Variants in CACNA2D1 observed in about 807,000 individuals in gnomAD.
CACNA2D1 encodes voltage-dependent calcium channel subunit alpha-2/delta-1.
A neutral mutation model predicts 171.5 loss-of-function variants in CACNA2D1; 53 were observed. That is an observed-to-expected ratio of 0.31 (90% CI 0.25 to 0.39). The LOEUF (loss-of-function observed/expected upper bound fraction) is 0.39, where lower values mean the gene tolerates loss of function less well. CACNA2D1 is among the 10% of genes least tolerant of loss of function. The pLI is 1.00. For synonymous variants in CACNA2D1, 442 were observed against 443.1 expected (o/e 1.00, Z 0.03); for missense variants, 903 against 1,299.8 (o/e 0.69, Z 4.69).
At chr7:82,126,740 A>T (rs1790373093) in intron 5 of CACNA2D1, among the ~76,000 whole-genome samples, 1 of 152,048 alleles carries the variant, frequency 6.6e-6, no homozygotes, top group South Asian at 2.1e-4. Flanking sequence ...GAGACACCAG[A>T]CCCTCTCCTA....
intron 5 of CACNA2D1, among the ~76,000 whole-genome samples, chr7:82,131,663 C>T (rs1394050873): frequency 1.3e-5 from 2 of 151,992 alleles, no homozygotes; most frequent in Non-Finnish European, 1.5e-5. Context: ...TTGATGTAGA[C>T]GTATGAGATT....
At chr7:82,422,738 A>G (rs1009846376) in intron 1 of CACNA2D1, among the ~76,000 whole-genome samples, 1 of 152,162 alleles carries the variant, frequency 6.6e-6, no homozygotes, top group Non-Finnish European at 1.5e-5. Flanking sequence ...GCATTTAAAA[A>G]AATAGATAAC....
intron 3 of CACNA2D1, among the ~76,000 whole-genome samples, chr7:82,301,287 C>T (rs1812967470): frequency 6.6e-6 from 1 of 151,930 alleles, no homozygotes; most frequent in South Asian, 2.1e-4. Flanking sequence ...CCACCACACC[C>T]GGTTAATTTT....
intron 6 of CACNA2D1, among the ~76,000 whole-genome samples, chr7:82,109,671 G>A (rs1031070485): frequency 1.3e-5 from 2 of 152,156 alleles, no homozygotes; most frequent in South Asian, 2.1e-4. Flanking sequence ...TTAGATTGGA[G>A]GAACATGGTA....
intron 3 of CACNA2D1, among the ~76,000 whole-genome samples, chr7:82,264,309 G>A (rs1807521792): frequency 6.6e-6 from 1 of 151,852 alleles, no homozygotes; most frequent in Admixed American, 6.6e-5. Context: ...TGAATTATTG[G>A]CAGAAAGTCA....
intron 3 of CACNA2D1, among the ~76,000 whole-genome samples, chr7:82,281,608 T>C (rs1156940348): frequency 6.6e-6 from 1 of 152,226 alleles, no homozygotes; most frequent in African/African-American, 2.4e-5. Flanking sequence ...AGTTATGCCT[T>C]GCCTTTCATT....
chr7:82,133,948 CT>C (rs1791308080), intron 5 of CACNA2D1, among the ~76,000 whole-genome samples: 1 of 151,988 alleles, frequency 6.6e-6, no homozygotes, highest in Non-Finnish European at 1.5e-5. Context: ...TGGCGGGCGC[CT>C]GTAGTCCCAG....
At chr7:81,956,467 G>A (rs1793364722) in intron 38 of CACNA2D1, among the ~76,000 whole-genome samples, 1 of 151,986 alleles carries the variant, frequency 6.6e-6, no homozygotes, top group South Asian at 2.1e-4. Flanking sequence ...CTTTTCTTGT[G>A]TAATGGTTGA....
At chr7:82,082,944 A>G (rs1809981824) in intron 7 of CACNA2D1, among the ~76,000 whole-genome samples, 1 of 152,050 alleles carries the variant, frequency 6.6e-6, no homozygotes, top group African/African-American at 2.4e-5. Flanking sequence ...TAAAAGAGCC[A>G]TTTTTGAAAA....
At chr7:82,387,688 A>G (rs1824567860) in intron 1 of CACNA2D1, among the ~76,000 whole-genome samples, 1 of 152,210 alleles carries the variant, frequency 6.6e-6, no homozygotes, top group Non-Finnish European at 1.5e-5. Context: ...ATAGTTGCTT[A>G]TTTTCTTAGC....
chr7:82,099,683 T>A (rs1252027853), intron 6 of CACNA2D1, among the ~76,000 whole-genome samples: 1 of 58,468 alleles, frequency 1.7e-5, no homozygotes, highest in African/African-American at 4.9e-5. Flanking sequence ...TCTCCTGACC[T>A]CGTGATCCGC....
intron 6 of CACNA2D1, among the ~76,000 whole-genome samples, chr7:82,086,640 A>T (rs1005246831): frequency 1.3e-5 from 2 of 152,174 alleles, no homozygotes; most frequent in African/African-American, 2.4e-5. Context: ...TTAAACATTT[A>T]TGACTTTTAT....
At chr7:82,099,523 C>T (rs1167133631) in intron 6 of CACNA2D1, among the ~76,000 whole-genome samples, 1 of 53,360 alleles carries the variant, frequency 1.9e-5, no homozygotes, top group Non-Finnish European at 4.3e-5. Context: ...GATCTCGGCT[C>T]ACTGCAAGCT....
intron 6 of CACNA2D1, among the ~76,000 whole-genome samples, chr7:82,115,392 G>T (rs561446068): frequency 6.6e-6 from 1 of 151,872 alleles, no homozygotes; most frequent in Non-Finnish European, 1.5e-5. Context: ...ATAATACAAT[G>T]GTCAAAGAAA....
At chr7:82,401,017 C>T (rs1204637564) in intron 1 of CACNA2D1, among the ~76,000 whole-genome samples, 1 of 152,160 alleles carries the variant, frequency 6.6e-6, no homozygotes, top group Non-Finnish European at 1.5e-5. Context: ...TACCATCTCA[C>T]ACCAGTTAGA....
intron 5 of CACNA2D1, among the ~76,000 whole-genome samples, chr7:82,122,670 A>C (rs897585421): frequency 1.3e-5 from 2 of 152,220 alleles, no homozygotes; most frequent in Non-Finnish European, 2.9e-5. Context: ...TATTTTGGGA[A>C]GAGAGTGATA....
At chr7:82,433,365 C>G (rs1829870321) in intron 1 of CACNA2D1, among the ~76,000 whole-genome samples, 1 of 152,122 alleles carries the variant, frequency 6.6e-6, no homozygotes, top group Non-Finnish European at 1.5e-5. Context: ...AAGAAAAACT[C>G]TAGTCCATTC....
chr7:82,384,477 C>G (rs894846434), intron 1 of CACNA2D1, among the ~76,000 whole-genome samples: 1 of 152,032 alleles, frequency 6.6e-6, no homozygotes, highest in Non-Finnish European at 1.5e-5. Context: ...CTTCCAGCCT[C>G]CAGAACTGTG....
chr7:82,314,903 A>G (rs889559355), intron 3 of CACNA2D1, among the ~76,000 whole-genome samples: 10 of 151,946 alleles, frequency 6.6e-5, no homozygotes, highest in Non-Finnish European at 1.0e-4. Flanking sequence ...CCCATATCAT[A>G]TCATATTCCA....
Sources: allele counts gnomAD v4.1 joint callset (sites outside exome capture counted in the v4.1 genomes callset), GRCh38; gene constraint gnomAD v4.1.1; transcripts MANE v1.5; gene names NCBI Gene and HGNC (gene_info 2026-07-23, HGNC 2026-07-21).